Variants in KCND2 observed in about 807,000 individuals in gnomAD.
KCND2 encodes potassium voltage-gated channel subfamily D member 2, also known as A-type voltage-gated potassium channel KCND2.
KCND2 carries 16 observed loss-of-function variants against 54.4 expected under a neutral mutation model. The observed-to-expected ratio is 0.29, with a 90% CI of 0.20 to 0.45. The LOEUF is 0.45. Among genes scored for constraint, KCND2 ranks in the 20% least tolerant of loss-of-function variants. The probability of loss-of-function intolerance (pLI) is 1.00; values close to 1 mark genes in which losing one functional copy is unlikely to be tolerated. For missense variants in KCND2, 486 were observed against 824.2 expected (o/e 0.59, Z 5.02); for synonymous variants, 317 against 310.7 (o/e 1.02, Z -0.21).
At chr7:120,511,383 TC>T (rs1803113280) in intron 1 of KCND2, among the ~76,000 whole-genome samples, 1 of 152,124 alleles carries the variant, frequency 6.6e-6, no homozygotes, top group African/African-American at 2.4e-5. Context: ...GAATATGATC[TC>T]CTTGAGGACA....
chr7:120,695,193 G>A (rs999966740), intron 1 of KCND2, among the ~76,000 whole-genome samples: 10 of 150,936 alleles, frequency 6.6e-5, no homozygotes, highest in African/African-American at 2.4e-4. Context: ...TGTTATATAT[G>A]TATATTAGTT....
At chr7:120,714,681 C>G (rs1792581206) in intron 1 of KCND2, among the ~76,000 whole-genome samples, 1 of 151,994 alleles carries the variant, frequency 6.6e-6, no homozygotes, top group Admixed American at 6.6e-5. Flanking sequence ...TTTACGGTAG[C>G]ATTCCTATCC....
intron 1 of KCND2, among the ~76,000 whole-genome samples, chr7:120,529,592 C>G (rs137923024): frequency 1.3e-4 from 20 of 152,246 alleles, no homozygotes; most frequent in African/African-American, 4.1e-4. Flanking sequence ...TTAATGAATA[C>G]AGTCATTTTC....
chr7:120,566,207 G>A (rs912461100), intron 1 of KCND2, among the ~76,000 whole-genome samples: 26 of 152,176 alleles, frequency 1.7e-4, no homozygotes, highest in African/African-American at 6.0e-4. Context: ...TTGGGGAATA[G>A]GGAAATGATT....
intron 1 of KCND2, among the ~76,000 whole-genome samples, chr7:120,571,383 G>C (rs1328604774): frequency 6.6e-6 from 1 of 152,152 alleles, no homozygotes; most frequent in Non-Finnish European, 1.5e-5. Flanking sequence ...GCTCCAATTT[G>C]ATGCCCTCAA....
intron 1 of KCND2, among the ~76,000 whole-genome samples, chr7:120,305,151 G>A (rs1194840960): frequency 6.6e-6 from 1 of 152,084 alleles, no homozygotes; most frequent in Non-Finnish European, 1.5e-5. Flanking sequence ...CATCAAAAGG[G>A]TAGTAATTTT....
chr7:120,511,031 C>T (rs893269388), intron 1 of KCND2, among the ~76,000 whole-genome samples: 2 of 151,460 alleles, frequency 1.3e-5, no homozygotes, highest in African/African-American at 4.9e-5. Flanking sequence ...CTCTCACACA[C>T]ACACACACAC....
intron 1 of KCND2, among the ~76,000 whole-genome samples, chr7:120,510,810 C>T (rs1305804498): frequency 6.6e-6 from 1 of 151,976 alleles, no homozygotes; most frequent in Non-Finnish European, 1.5e-5. Context: ...CTTTTCTCCT[C>T]TGTCAATTCT....
At chr7:120,651,575 A>G (rs1314806361) in intron 1 of KCND2, among the ~76,000 whole-genome samples, 1 of 152,094 alleles carries the variant, frequency 6.6e-6, no homozygotes, top group Non-Finnish European at 1.5e-5. Flanking sequence ...GTGTGAGGCA[A>G]TGCCTTGCCC....
At chr7:120,352,928 G>A (rs1317452409) in intron 1 of KCND2, among the ~76,000 whole-genome samples, 1 of 151,908 alleles carries the variant, frequency 6.6e-6, no homozygotes, top group Non-Finnish European at 1.5e-5. Context: ...TCATATTCTA[G>A]GAGTGAGAAA....
At chr7:120,667,505 G>A (rs1216727361) in intron 1 of KCND2, among the ~76,000 whole-genome samples, 1 of 151,938 alleles carries the variant, frequency 6.6e-6, no homozygotes. Flanking sequence ...AAAATCTAAG[G>A]AGTGGCATCT....
chr7:120,691,839 C>A (rs1792273055), intron 1 of KCND2, among the ~76,000 whole-genome samples: 1 of 152,020 alleles, frequency 6.6e-6, no homozygotes, highest in African/African-American at 2.4e-5. Flanking sequence ...GTTGAGGCAA[C>A]AAGGAGACTA....
intron 1 of KCND2, among the ~76,000 whole-genome samples, chr7:120,537,268 CT>C (rs1273889237): frequency 6.6e-6 from 1 of 151,990 alleles, no homozygotes; most frequent in East Asian, 1.9e-4. Context: ...AAGAAACTTT[CT>C]TTTTTTTCTG....
intron 1 of KCND2, among the ~76,000 whole-genome samples, chr7:120,623,197 T>A (rs1171176643): frequency 6.6e-6 from 1 of 152,166 alleles, no homozygotes; most frequent in Non-Finnish European, 1.5e-5. Flanking sequence ...CTGCCAAGAT[T>A]GGAAACAAGT....
chr7:120,370,770 C>T (rs901437410), intron 1 of KCND2, among the ~76,000 whole-genome samples: 1 of 152,132 alleles, frequency 6.6e-6, no homozygotes. Flanking sequence ...AGAATATGTG[C>T]TCATAATCTG....
chr7:120,540,145 C>T (rs927234720), intron 1 of KCND2, among the ~76,000 whole-genome samples: 7 of 152,060 alleles, frequency 4.6e-5, no homozygotes, highest in Admixed American at 1.3e-4. Flanking sequence ...GTGATCCACC[C>T]GCCTTGACCT....
At chr7:120,380,147 A>G (rs978451660) in intron 1 of KCND2, among the ~76,000 whole-genome samples, 14 of 152,104 alleles carry the variant, frequency 9.2e-5, no homozygotes, top group African/African-American at 3.1e-4. Context: ...ACTTTCAGAA[A>G]CAGCTACTGC....
chr7:120,699,292 A>AG (rs1792371539), intron 1 of KCND2, among the ~76,000 whole-genome samples: 1 of 151,954 alleles, frequency 6.6e-6, no homozygotes, highest in African/African-American at 2.4e-5. Context: ...AAAAAAAAAA[A>AG]AAGTTATTAA....
At chr7:120,434,257 C>T (rs1320798665) in intron 1 of KCND2, among the ~76,000 whole-genome samples, 1 of 152,196 alleles carries the variant, frequency 6.6e-6, no homozygotes, top group Non-Finnish European at 1.5e-5. Flanking sequence ...GAGTAAAACA[C>T]AAGAGGCATC....
Sources: gnomAD v4.1 joint callset for allele counts (sites outside exome capture counted in the v4.1 genomes callset) on GRCh38, gnomAD v4.1.1 for gene constraint, MANE v1.5 for transcripts, NCBI Gene and HGNC (gene_info 2026-07-23, HGNC 2026-07-21) for gene names.